Variants in PLCB1 observed in about 807,000 individuals in gnomAD.
PLCB1 encodes phospholipase C beta 1, also known as 1-phosphatidylinositol 4,5-bisphosphate phosphodiesterase beta-1.
In PLCB1, 46 loss-of-function variants were observed where a neutral mutation model predicts 161.8. That is an observed-to-expected ratio of 0.28 (90% CI 0.22 to 0.36). The LOEUF (loss-of-function observed/expected upper bound fraction) is 0.36. Ranked by LOEUF, PLCB1 falls within the 10% of genes least tolerant of loss-of-function variation. The probability of loss-of-function intolerance (pLI) is 1.00; values close to 1 mark genes in which losing one functional copy is unlikely to be tolerated. For missense variants in PLCB1, 1,016 were observed against 1,472.5 expected (o/e 0.69, Z 5.07); for synonymous variants, 517 against 503.7 (o/e 1.03, Z -0.35).
intron 3 of PLCB1, among the ~76,000 whole-genome samples, chr20:8,422,888 C>T (rs1337160396): frequency 1.3e-5 from 2 of 152,120 alleles, no homozygotes; most frequent in African/African-American, 4.8e-5. Context: ...GTGATTTGAC[C>T]TTTCTGTGCC....
chr20:8,392,350 G>GC (rs1350402152), intron 3 of PLCB1, among the ~76,000 whole-genome samples: 2 of 152,016 alleles, frequency 1.3e-5, no homozygotes, highest in Non-Finnish European at 2.9e-5. Context: ...GAGCCTCCCA[G>GC]CCTTCACATC....
At chr20:8,794,124 C>G (rs1489309930) in intron 31 of PLCB1, among the ~76,000 whole-genome samples, 1 of 152,046 alleles carries the variant, frequency 6.6e-6, no homozygotes, top group Non-Finnish European at 1.5e-5. Context: ...TTCAAGGTGC[C>G]CCAGATTTCA....
At chr20:8,270,414 G>A (rs1982221796) in intron 2 of PLCB1, among the ~76,000 whole-genome samples, 1 of 152,132 alleles carries the variant, frequency 6.6e-6, no homozygotes, top group Non-Finnish European at 1.5e-5. Flanking sequence ...TTAGATTCAA[G>A]TCAAGGTTGA....
chr20:8,483,753 C>A (rs1437770286), intron 3 of PLCB1, among the ~76,000 whole-genome samples: 1 of 152,242 alleles, frequency 6.6e-6, no homozygotes. Flanking sequence ...TACAGAGCTG[C>A]AAATGAAGAC....
intron 2 of PLCB1, among the ~76,000 whole-genome samples, chr20:8,296,436 G>A (rs1416424522): frequency 3.9e-5 from 6 of 152,126 alleles, no homozygotes; most frequent in Admixed American, 3.9e-4. Flanking sequence ...ACAAGTATAT[G>A]CCCTCCAAGA....
At chr20:8,508,461 G>A (rs1302197608) in intron 3 of PLCB1, among the ~76,000 whole-genome samples, 1 of 152,200 alleles carries the variant, frequency 6.6e-6, no homozygotes, top group Non-Finnish European at 1.5e-5. Context: ...CAGACTCGAA[G>A]TGACTCAAGT....
chr20:8,737,228 AT>A, intron 20 of PLCB1, 36 bp downstream of exon 20: 1 of 1,527,542 alleles, frequency 6.5e-7, no homozygotes, highest in Non-Finnish European at 9.0e-7. Flanking sequence ...TTATAACTGC[AT>A]TTTTCAGGTG....
chr20:8,296,199 T>C (rs1274527880), intron 2 of PLCB1, among the ~76,000 whole-genome samples: 2 of 152,204 alleles, frequency 1.3e-5, no homozygotes, highest in Non-Finnish European at 2.9e-5. Flanking sequence ...CACCTAATTA[T>C]GTCTTGCTGT....
chr20:8,249,830 C>T (rs1036395024), intron 2 of PLCB1: 1 of 151,948 alleles, frequency 6.6e-6, no homozygotes, highest in African/African-American at 2.4e-5. Flanking sequence ...TGATTACTGG[C>T]AGATCACTCA....
At chr20:8,540,774 G>A (rs1488506015) in intron 3 of PLCB1, among the ~76,000 whole-genome samples, 1 of 152,108 alleles carries the variant, frequency 6.6e-6, no homozygotes, top group African/African-American at 2.4e-5. Context: ...TTGACAGACA[G>A]CAAATAAAGG....
At chr20:8,379,112 C>T (rs1367390228) in intron 3 of PLCB1, among the ~76,000 whole-genome samples, 1 of 152,066 alleles carries the variant, frequency 6.6e-6, no homozygotes, top group African/African-American at 2.4e-5. Context: ...CTCCCCCACC[C>T]CCCAACAGGC....
At chr20:8,169,757 G>A (rs1228209762) in intron 2 of PLCB1, among the ~76,000 whole-genome samples, 1 of 152,146 alleles carries the variant, frequency 6.6e-6, no homozygotes, top group Non-Finnish European at 1.5e-5. Context: ...ATTCAGAGAG[G>A]ACAGGGTGCG....
At chr20:8,786,338 T>G (rs192830606) in intron 27 of PLCB1, among the ~76,000 whole-genome samples, 40 of 152,340 alleles carry the variant, frequency 2.6e-4, no homozygotes, top group African/African-American at 9.6e-4. Context: ...TGCCTCATGA[T>G]TTCTTTAATT....
intron 31 of PLCB1, among the ~76,000 whole-genome samples, chr20:8,791,208 G>T (rs1983741639): frequency 6.6e-6 from 1 of 151,838 alleles, no homozygotes; most frequent in South Asian, 2.1e-4. Context: ...AGTTTTTAGG[G>T]TTGGCAATAT....
chr20:8,676,105 C>T (rs1054163257), intron 9 of PLCB1, among the ~76,000 whole-genome samples: 88 of 152,378 alleles, frequency 5.8e-4, no homozygotes, highest in Middle Eastern at 6.8e-3. Flanking sequence ...CGCGGCGGCT[C>T]CCGCCTGCGA....
chr20:8,486,221 A>T (rs936671607), intron 3 of PLCB1, among the ~76,000 whole-genome samples: 1 of 152,184 alleles, frequency 6.6e-6, no homozygotes, highest in East Asian at 1.9e-4. Context: ...GGGTGGGGAC[A>T]TAGCCAAACC....
Position 8,702,098 on chromosome 20 carries a change from A to G in PLCB1, c.1167+4315A>G, listed in dbSNP as rs562075280. ...CCCAAAAGCAAGAGATCCTATTGGC[A>G]TTTGCTCCCTGTTTACTGTATGGGT... On this transcript the variant is annotated intron_variant, in intron 11 of 31. Transcript: ENST00000338037. Among the ~76,000 whole-genome samples the G allele has an allele frequency of 2.6e-5, 4 of 152,302 alleles. No individual in the cohort carries two copies. The East Asian group carries it at 7.7e-4, about 29-fold the overall frequency.
chr20:8,306,726 A>C (rs191535561), intron 2 of PLCB1, among the ~76,000 whole-genome samples: 1 of 152,278 alleles, frequency 6.6e-6, no homozygotes, highest in African/African-American at 2.4e-5. Flanking sequence ...CTCTCCTTTT[A>C]CCCAATTTTT....
intron 2 of PLCB1, among the ~76,000 whole-genome samples, chr20:8,186,834 G>A (rs1302463301): frequency 6.6e-6 from 1 of 152,114 alleles, no homozygotes; most frequent in African/African-American, 2.4e-5. Context: ...GAAGTGTCCT[G>A]GACTGGCATG....
Sources: gnomAD v4.1 joint callset for allele counts (sites outside exome capture counted in the v4.1 genomes callset) on GRCh38, gnomAD v4.1.1 for gene constraint, MANE v1.5 for transcripts, NCBI Gene and HGNC (gene_info 2026-07-23, HGNC 2026-07-21) for gene names.